TLN1: variants seen among roughly 807,000 people sequenced by gnomAD.
The protein encoded by TLN1 is talin-1.
A neutral mutation model predicts 292.3 loss-of-function variants in TLN1; 56 were observed. The ratio of observed to expected loss-of-function variants is 0.19; its 90% CI spans 0.15 to 0.24. The LOEUF is 0.24. TLN1 is among the 10% of genes least tolerant of loss of function. TLN1 has a pLI of 1.00. For synonymous variants in TLN1, 1,119 were observed against 1,253.7 expected, an observed-to-expected ratio of 0.89 and a Z score of 2.27; for missense variants, 2,433 against 3,248.2, an observed-to-expected ratio of 0.75 and a Z score of 6.10.
Position 35,720,094 on chromosome 9 carries a change from G to A in TLN1, c.1409C>T (p.Pro470Leu), listed in dbSNP as rs148182997. 3.7e-6 allele frequency: 6 copies of A among 1,609,836 alleles called. No individual in the cohort carries two copies. Among genetic ancestry groups the A allele is most frequent in the Non-Finnish European group, 5.1e-6 (6 of 1,178,136 alleles). The change falls in exon 13 of 57, where the codon CCT becomes CTT. Residue 470 changes from proline to leucine, a missense_variant. Physicochemically the swap from Pro to Leu is moderately conservative, Grantham distance 98. Around this residue, in one of 7 missense-constraint regions of TLN1, gnomAD observed 617 missense variants for 770.6 expected, o/e 0.80. Transcript: ENST00000314888. ...GCCGCTGGTAATCTGCTGCTGGGCA[G>A]GGGGCATGCTGCCCACCTGGAAATT... ...PENFQVGSMPPAQQQITSGQM... is the reference protein window; with the variant it reads ...PENFQVGSMPLAQQQITSGQM...
In TLN1 at chr9:35,699,914, AG is replaced by A; in HGVS notation, c.6768+59del. On this transcript the variant is annotated intron_variant, in intron 50 of 56. Transcript: ENST00000314888. This position sits in a 1 kb window ranked among gnomAD's most constrained non-coding sequence, Gnocchi z 4.0. ...ACAGACAGCAGGGTGCGAGGCCTGC[AG>A]GAAGAGGGCTGTGTATTCAGGGAGG... The A allele has an allele frequency of 6.6e-7, 1 of 1,516,912 alleles. No individual in the cohort carries two copies. Among genetic ancestry groups the A allele is most frequent in the Non-Finnish European group, 9.0e-7 (1 of 1,109,554 alleles). 94.0% of individuals were successfully genotyped at this position (1,516,912 alleles called of 1,614,324 possible).
At chr9:35,727,386 A>C (rs1275329307) in intron 1 of TLN1, among the ~76,000 whole-genome samples, 1 of 152,202 alleles carries the variant, frequency 6.6e-6, no homozygotes, top group Non-Finnish European at 1.5e-5. Flanking sequence ...AAATCTAAGT[A>C]GAAACAAGAG....
rs1563943741 is a variant in TLN1 at position 35,714,757 on chromosome 9, T to C, written c.2871+3A>G. ...CACTCCCACATCCTTCCTAGAGTCT[T>C]ACCTTGCAGCTCTGCACCAGCAGGG... On this transcript the variant is annotated splice_donor_region_variant and intron_variant, in intron 22 of 56. Coordinates refer to ENST00000314888, the MANE Select transcript of TLN1 (RefSeq NM_006289.4). The surrounding 1 kb of genome is among the most constrained non-coding windows in gnomAD (Gnocchi z 4.6). The C allele has an allele frequency of 1.9e-6, 3 of 1,602,872 alleles. No homozygotes were observed. The highest frequency in any genetic ancestry group is 1.3e-5 in the African/African-American group (1 of 74,752).
chr9:35,704,170 C>T lies in TLN1; in HGVS notation c.6052G>A (p.Gly2018Ser). 6.3e-7 allele frequency: 1 copy of T among 1,591,518 alleles called. No homozygotes were observed. The highest frequency in any genetic ancestry group is 8.6e-7 in the Non-Finnish European group (1 of 1,167,522). ...AGCACCTTCGCAGTCTTCAGGATGC[C>T]CTCCCTGAGGGAGGGCCCAGCTTAG... is the stretch of plus-strand genomic sequence containing the variant. ...GTETFADHRE[G>S]ILKTAKVLVE... The change falls in exon 46 of 57, where the codon GGC becomes AGC. Residue 2018 changes from glycine to serine, a missense_variant. By Grantham distance (56) the Gly-to-Ser change is moderately conservative (BLOSUM62 0). Coordinates refer to ENST00000314888, the MANE Select transcript of TLN1 (RefSeq NM_006289.4). The surrounding 1 kb of genome is among the most constrained non-coding windows in gnomAD (Gnocchi z 6.9).
intron 1 of TLN1, among the ~76,000 whole-genome samples, chr9:35,731,698 T>C (rs1171375176): frequency 6.6e-6 from 1 of 152,136 alleles, no homozygotes; most frequent in South Asian, 2.1e-4. Flanking sequence ...TCTTAAGTTT[T>C]AACCCCAGCT....
At chr9:35,729,144 G>C (rs1826027415) in intron 1 of TLN1, among the ~76,000 whole-genome samples, 1 of 152,150 alleles carries the variant, frequency 6.6e-6, no homozygotes, top group African/African-American at 2.4e-5. Context: ...CATTTTTACA[G>C]ATCAGAAAAC....
chr9:35,708,371 A>G lies in TLN1; in HGVS notation c.4440T>C (p.Ser1480=). 6.2e-7 allele frequency: 1 copy of G among 1,609,592 alleles called. No homozygotes were observed. Among genetic ancestry groups the G allele is most frequent in the South Asian group, 1.1e-5 (1 of 90,644 alleles). The part of the protein sequence containing the change: ...ANQAIQMACQ[S]LGEPGCTQAQ... ...CCTGGGTACAGCCAGGCTCTCCCAA[A>G]CTCTGGCAGGCCATCTGAATTGCCT... is the stretch of plus-strand genomic sequence containing the variant. The change falls in exon 34 of 57, where the codon AGT becomes AGC. Residue 1480 remains serine (S), a synonymous_variant. Coordinates refer to ENST00000314888, the MANE Select transcript of TLN1 (RefSeq NM_006289.4).
In TLN1 at chr9:35,710,895, G is replaced by A. The variant is rs777616869; in HGVS notation, c.4114-9C>T. 1.9e-6 allele frequency: 3 copies of A among 1,613,996 alleles called. No homozygotes were observed. Among genetic ancestry groups the A allele is most frequent in the Admixed American group, 1.7e-5 (1 of 59,994 alleles). The stretch of plus-strand genomic sequence containing the variant: ...AGGAGTTCCCGGACCGTCTGTGTAG[G>A]GGGAGGGCAAAGTGAGATCCAAGAC... On this transcript the variant is annotated splice_polypyrimidine_tract_variant and intron_variant, in intron 31 of 56. Coordinates refer to ENST00000314888, the MANE Select transcript of TLN1 (RefSeq NM_006289.4).
chr9:35,717,579 T>C lies in TLN1; in HGVS notation c.2163+40A>G. 3 of 1,592,204 alleles carry C rather than the reference T, an allele frequency of 1.9e-6. No individual in the cohort carries two copies. Among genetic ancestry groups the C allele is most frequent in the Non-Finnish European group, 2.6e-6 (3 of 1,163,740 alleles). On this transcript the variant is annotated intron_variant, in intron 18 of 56. Coordinates refer to ENST00000314888, the MANE Select transcript of TLN1 (RefSeq NM_006289.4). This position sits in a 1 kb window ranked among gnomAD's most constrained non-coding sequence, Gnocchi z 4.7. Reference sequence around the variant, plus strand: ...AAAGGCTCACGTGTGTGTGGTAGTATTACCCCTCAGCACGGACTAGAGCAA... The same window carrying C: ...AAAGGCTCACGTGTGTGTGGTAGTACTACCCCTCAGCACGGACTAGAGCAA...
chr9:35,718,478 G>A (rs1364283771), intron 17 of TLN1, among the ~76,000 whole-genome samples: 2 of 152,102 alleles, frequency 1.3e-5, no homozygotes, highest in African/African-American at 2.4e-5. Flanking sequence ...AGAGCTAGAG[G>A]AACACTATTC....
rs1467786491 is a variant in TLN1, at chr9:35,714,716, A to C, written c.2872-29T>G. 1 of 1,612,670 alleles carries C rather than the reference A, an allele frequency of 6.2e-7. No individual in the cohort carries two copies. The highest frequency in any genetic ancestry group is 8.5e-7 in the Non-Finnish European group (1 of 1,179,002). On this transcript the variant is annotated intron_variant, in intron 22 of 56. Transcript: ENST00000314888. This position sits in a 1 kb window ranked among gnomAD's most constrained non-coding sequence, Gnocchi z 4.6. The stretch of plus-strand genomic sequence containing the variant: ...TAGGTGAAAATGTCATAAGAGACCC[A>C]CAAGTCTCCCTCTTCCACTCCCACA...
chr9:35,706,555 G>T lies in TLN1; in HGVS notation c.5089-4C>A, dbSNP rs1825568540. The T allele has an allele frequency of 1.2e-6, 2 of 1,613,682 alleles. No individual in the cohort carries two copies. Among genetic ancestry groups the T allele is most frequent in the Non-Finnish European group, 1.7e-6 (2 of 1,179,890 alleles). ...TGAGCATCTGAGTGTGCAAGGCCTG[G>T]GGAGGAAGTGGACATTAGCCCTGAT... On this transcript the variant is annotated splice_polypyrimidine_tract_variant and splice_region_variant and intron_variant, in intron 38 of 56. Coordinates refer to ENST00000314888, the MANE Select transcript of TLN1 (RefSeq NM_006289.4). This position sits in a 1 kb window ranked among gnomAD's most constrained non-coding sequence, Gnocchi z 4.2.
chr9:35,717,781 C>T lies in TLN1; in HGVS notation c.2001G>A (p.Ala667=), dbSNP rs140939567. ...ESDTDPHFQD[A]LMQLAKAVAS... ...CCACAGCTTTGGCGAGCTGCATTAGCGCATCCTGTGAGAAAACAGCAGTTA... is the reference window on the plus strand; with the variant it reads ...CCACAGCTTTGGCGAGCTGCATTAGTGCATCCTGTGAGAAAACAGCAGTTA... Residue 667 remains alanine, a synonymous_variant, in exon 18 of 57, where the codon GCG becomes GCA. Transcript: ENST00000314888. The surrounding 1 kb of genome is among the most constrained non-coding windows in gnomAD (Gnocchi z 4.7). The T allele has an allele frequency of 6.6e-5, 106 of 1,596,030 alleles. No homozygotes were observed. In the South Asian group the frequency reaches 8.1e-4, roughly 12 times the overall value.
In TLN1 at chr9:35,724,749, C is replaced by T. The variant is rs769081957; in HGVS notation, c.359-25G>A. On this transcript the variant is annotated intron_variant, in intron 4 of 56. Transcript: ENST00000314888. This position sits in a 1 kb window ranked among gnomAD's most constrained non-coding sequence, Gnocchi z 4.7. Reference sequence around the variant, plus strand: ...CCTGAGGAAGGAGATGGCTTGTTAGCTTCCCAGGTACTGCATCCATGCCTT... The same window carrying T: ...CCTGAGGAAGGAGATGGCTTGTTAGTTTCCCAGGTACTGCATCCATGCCTT... 17 of 1,613,836 alleles carry T rather than the reference C, an allele frequency of 1.1e-5. No individual in the cohort carries two copies. The highest frequency in any genetic ancestry group is 1.4e-5 in the Non-Finnish European group (16 of 1,179,932).
At chr9:35,711,862 GC>G (rs1825675707) in intron 28 of TLN1, 70 bp from the exon 29 acceptor site, 10 of 1,604,040 alleles carry the variant, frequency 6.2e-6, no homozygotes, top group African/African-American at 2.7e-5. Context: ...GTAAAGGAGG[GC>G]TGAAAAGGTG....
chr9:35,728,839 G>A (rs1465467385), intron 1 of TLN1, among the ~76,000 whole-genome samples: 1 of 152,170 alleles, frequency 6.6e-6, no homozygotes, highest in Non-Finnish European at 1.5e-5. Flanking sequence ...ACCAAGATCA[G>A]TAAGACCTAG....
Position 35,724,417 on chromosome 9 carries a change from C to T in TLN1, c.512-83G>A. 6.3e-7 allele frequency: 1 copy of T among 1,585,556 alleles called. No homozygotes were observed. The highest frequency in any genetic ancestry group is 8.6e-7 in the Non-Finnish European group (1 of 1,159,254). Reference sequence around the variant, plus strand: ...CTCTGTTTATTTCTGCATTTCCTACCTCCCCTCACTTAAATGTAAGTCCCA... The same window carrying T: ...CTCTGTTTATTTCTGCATTTCCTACTTCCCCTCACTTAAATGTAAGTCCCA... On this transcript the variant is annotated intron_variant, in intron 5 of 56. Transcript: ENST00000314888. The surrounding 1 kb of genome is among the most constrained non-coding windows in gnomAD (Gnocchi z 4.7).
intron 30 of TLN1, 74 bp downstream of exon 30, chr9:35,711,178 CAAG>C: frequency 1.2e-6 from 2 of 1,610,474 alleles, no homozygotes; most frequent in Non-Finnish European, 1.7e-6. Context: ...ATTCCTAAGC[CAAG>C]AAGCTCTCAT....
intron 33 of TLN1, 41 bp from the exon 34 acceptor site, chr9:35,708,525 G>A: frequency 6.7e-6 from 10 of 1,499,604 alleles, no homozygotes; most frequent in Non-Finnish European, 9.0e-6. Flanking sequence ...AATAAAGATT[G>A]CAGGTGGGAA....
Sources: gnomAD v4.1 joint callset for allele counts (sites outside exome capture counted in the v4.1 genomes callset) on GRCh38, gnomAD v4.1.1 for gene constraint, gnomAD v4.1.1 regional missense constraint, Gnocchi (gnomAD v3.1) non-coding constraint, MANE v1.5 for transcripts, NCBI Gene and HGNC (gene_info 2026-07-23, HGNC 2026-07-21) for gene names.